RMST: variants seen among roughly 807,000 people sequenced by gnomAD.
RMST encodes the protein long intergenic non-protein coding RNA 54.
At chr12:97,512,201 G>C (rs2136518187) in intron 10 of RMST, among the ~76,000 whole-genome samples, 1 of 152,208 alleles carries the variant, frequency 6.6e-6, no homozygotes, top group Non-Finnish European at 1.5e-5. Flanking sequence ...TCTTAAGGTG[G>C]CGCGTCTGGC....
chr12:97,491,360 A>C (rs1876786196), intron 5 of RMST, among the ~76,000 whole-genome samples: 1 of 152,148 alleles, frequency 6.6e-6, no homozygotes, highest in Middle Eastern at 3.2e-3. Flanking sequence ...TTTTTATCTA[A>C]AACATTCCAG....
intron 10 of RMST, among the ~76,000 whole-genome samples, chr12:97,509,373 G>T (rs1404201427): frequency 6.8e-6 from 1 of 147,810 alleles, no homozygotes; most frequent in Non-Finnish European, 1.5e-5. Context: ...ATGGGATACG[G>T]CATAGTGGAC....
chr12:97,525,692 G>A (rs1881022621), intron 10 of RMST, among the ~76,000 whole-genome samples: 2 of 152,050 alleles, frequency 1.3e-5, no homozygotes, highest in African/African-American at 4.8e-5. Flanking sequence ...TAAATAAACA[G>A]TATATGCAAA....
intron 10 of RMST, among the ~76,000 whole-genome samples, chr12:97,496,387 T>C (rs184855182): frequency 9.3e-5 from 14 of 151,172 alleles, no homozygotes; most frequent in African/African-American, 2.7e-4. Context: ...TATTAAAAAT[T>C]AAATATCTGG....
intron 10 of RMST, among the ~76,000 whole-genome samples, chr12:97,507,060 G>C (rs1592701111): frequency 6.6e-6 from 1 of 152,186 alleles, no homozygotes; most frequent in Admixed American, 6.5e-5. Context: ...ATATGATGGA[G>C]CTCTGAGTGT....
intron 11 of RMST, among the ~76,000 whole-genome samples, chr12:97,550,948 A>T (rs908291062): frequency 3.9e-5 from 6 of 152,154 alleles, no homozygotes; most frequent in African/African-American, 1.4e-4. Flanking sequence ...AATTGTCGCA[A>T]CTCAGAAAAG....
chr12:97,522,558 A>G lies in RMST; in HGVS notation n.1341-8097A>G, dbSNP rs573980338. ...TATACCTATAAAATTTCAGAGACTCAACCTTGGGTTCCAGAAATTGCCCAA... is the reference window on the plus strand; with the variant it reads ...TATACCTATAAAATTTCAGAGACTCGACCTTGGGTTCCAGAAATTGCCCAA... On this transcript the variant is annotated intron_variant and non_coding_transcript_variant, in intron 10 of 13. Coordinates refer to ENST00000640149, the Ensembl canonical transcript of RMST. Among the ~76,000 whole-genome samples, 7 of 152,306 alleles carry G rather than the reference A, an allele frequency of 4.6e-5. No homozygotes were observed. The South Asian group carries it at 6.2e-4, about 14-fold the overall frequency.
intron 5 of RMST, among the ~76,000 whole-genome samples, chr12:97,489,445 TCAAGAAAAAAAGAAAAAAAAAAAA>T (rs1181109974): frequency 6.7e-6 from 1 of 148,158 alleles, no homozygotes; most frequent in Non-Finnish European, 1.5e-5. Context: ...AGTCCCTGTC[TCAAGAAAAAAAGAAAAAAAAAAAA>T]GGCTACTTTT....
chr12:97,550,781 G>A (rs1883258070), intron 11 of RMST, among the ~76,000 whole-genome samples: 1 of 152,064 alleles, frequency 6.6e-6, no homozygotes, highest in Non-Finnish European at 1.5e-5. Flanking sequence ...TGTCTTTGGA[G>A]CCATATATTC....
chr12:97,551,327 A>AAGAC (rs10636645), intron 11 of RMST, among the ~76,000 whole-genome samples: 4 of 152,094 alleles, frequency 2.6e-5, no homozygotes, highest in Non-Finnish European at 5.9e-5. Context: ...ATAAAAAAGA[A>AAGAC]TATTCCATCT....
chr12:97,561,429 G>T (rs1884093561), intron 13 of RMST, among the ~76,000 whole-genome samples: 1 of 151,930 alleles, frequency 6.6e-6, no homozygotes, highest in African/African-American at 2.4e-5. Context: ...TCTCAGATGT[G>T]GTCCCAGGCT....
At position 97,555,365 on chromosome 12, in the gene RMST, A is replaced by G. The variant is rs117760074; in HGVS notation, n.1546-5172A>G. Among the ~76,000 whole-genome samples the G allele has an allele frequency of 3.3e-3, 509 of 152,300 alleles. 2 individuals carry two copies. The highest frequency in any genetic ancestry group is 6.0e-3 in the Non-Finnish European group (411 of 68,022). On this transcript the variant is annotated intron_variant and non_coding_transcript_variant, in intron 11 of 13. Coordinates refer to ENST00000640149, the Ensembl canonical transcript of RMST. ...TCCTCCATGGAAATGCCGACAGTAA[A>G]TTAACATCCATGCTTTGGTGTATTT...
intron 13 of RMST, among the ~76,000 whole-genome samples, chr12:97,561,720 G>A (rs1396840060): frequency 7.7e-6 from 1 of 130,298 alleles, no homozygotes; most frequent in South Asian, 2.4e-4. Flanking sequence ...TCCCAGCTCC[G>A]TGCCCAGGTC....
chr12:97,520,988 G>A lies in RMST; in HGVS notation n.1341-9667G>A, dbSNP rs114942381. ...TGGAGAATCCATTCTAGGTCATAGG[G>A]TGCTAAAATATAATCTTTCTTGAAA... On this transcript the variant is annotated intron_variant and non_coding_transcript_variant, in intron 10 of 13. Coordinates refer to ENST00000640149, the Ensembl canonical transcript of RMST. Among the ~76,000 whole-genome samples the A allele has an allele frequency of 9.6e-3, 1,457 of 152,252 alleles. 20 individuals are homozygous for A. The highest frequency in any genetic ancestry group is 0.032 in the African/African-American group (1,348 of 41,546).
intron 10 of RMST, among the ~76,000 whole-genome samples, chr12:97,522,587 C>T (rs1031175542): frequency 2.0e-5 from 3 of 152,026 alleles, no homozygotes; most frequent in South Asian, 2.1e-4. Flanking sequence ...TGCCCAAGGC[C>T]GTGTTACTTT....
exon 3 of RMST, chr12:97,462,845 A>T (rs974069678): frequency 3.9e-5 from 6 of 152,136 alleles, no homozygotes; most frequent in Non-Finnish European, 7.3e-5. Context: ...CACTCTGGAG[A>T]AGGTCTGCCG....
chr12:97,556,064 A>C (rs1232386911), intron 11 of RMST, among the ~76,000 whole-genome samples: 1 of 152,190 alleles, frequency 6.6e-6, no homozygotes, highest in Non-Finnish European at 1.5e-5. Context: ...GCTCCCTTGA[A>C]AAACAAAATA....
In RMST at chr12:97,541,012, G is replaced by GTATA. The variant is rs145399907; in HGVS notation, n.1545+10167_1545+10170dup. Among the ~76,000 whole-genome samples, 878 of 146,492 alleles carry GTATA rather than the reference G, an allele frequency of 6.0e-3. 10 individuals are homozygous for GTATA. The highest frequency in any genetic ancestry group is 0.019 in the African/African-American group (752 of 39,994). On this transcript the variant is annotated intron_variant and non_coding_transcript_variant, in intron 11 of 13. Transcript: ENST00000640149. ...TACACAAGTCCTTTTTGTCCCAGGT[G>GTATA]TATATATATATATATATGTGTGTTT...
At chr12:97,536,544 A>T (rs1389063376) in intron 11 of RMST, among the ~76,000 whole-genome samples, 1 of 151,470 alleles carries the variant, frequency 6.6e-6, no homozygotes, top group Non-Finnish European at 1.5e-5. Context: ...ATTTATCTGC[A>T]GGGCCTAGAA....
Sources: allele counts gnomAD v4.1 joint callset (sites outside exome capture counted in the v4.1 genomes callset), GRCh38; gene constraint gnomAD v4.1.1; transcripts MANE v1.5; gene names NCBI Gene and HGNC (gene_info 2026-07-23, HGNC 2026-07-21).